Variants in PDGFC observed in about 807,000 individuals in gnomAD.
The protein encoded by PDGFC is platelet derived growth factor C.
A neutral mutation model predicts 35.5 loss-of-function variants in PDGFC; 12 were observed. That is an observed-to-expected ratio of 0.34 (90% CI 0.22 to 0.55). PDGFC has a LOEUF of 0.55. Ranked by LOEUF, PDGFC falls within the 20% of genes least tolerant of loss-of-function variation. The pLI is 0.91. For missense variants in PDGFC, 322 were observed against 412.4 expected (o/e 0.78, Z 1.90); for synonymous variants, 159 against 148.8 (o/e 1.07, Z -0.50).
At chr4:156,805,362 A>G (rs2110927741) in intron 3 of PDGFC, among the ~76,000 whole-genome samples, 1 of 152,190 alleles carries the variant, frequency 6.6e-6, no homozygotes, top group East Asian at 1.9e-4. Flanking sequence ...AAAAAATTCT[A>G]AGCATCAAAT....
chr4:156,854,098 C>T (rs77953054), intron 1 of PDGFC, among the ~76,000 whole-genome samples: 9,508 of 152,276 alleles, frequency 0.062, 393 homozygotes, highest in Middle Eastern at 0.12. Flanking sequence ...CGATAATCTA[C>T]ATATTTCAGA....
At chr4:156,793,839 C>A (rs79705349) in intron 3 of PDGFC, among the ~76,000 whole-genome samples, 3 of 140,474 alleles carry the variant, frequency 2.1e-5, no homozygotes, top group African/African-American at 5.5e-5. Flanking sequence ...AAAAAAAAAA[C>A]TGCCCAGGTT....
chr4:156,906,078 A>G (rs563115429), intron 1 of PDGFC, among the ~76,000 whole-genome samples: 3 of 152,310 alleles, frequency 2.0e-5, no homozygotes, highest in Admixed American at 6.5e-5. Context: ...TATATATGTT[A>G]TAGATGACAT....
intron 2 of PDGFC, among the ~76,000 whole-genome samples, chr4:156,829,611 T>C (rs949435163): frequency 6.6e-6 from 1 of 152,202 alleles, no homozygotes. Flanking sequence ...ATTCCTACCA[T>C]ATCCTTTGAT....
At chr4:156,942,550 T>C (rs975689636) in intron 1 of PDGFC, among the ~76,000 whole-genome samples, 21 of 151,814 alleles carry the variant, frequency 1.4e-4, no homozygotes, top group African/African-American at 4.8e-4. Flanking sequence ...GCCCTATCCA[T>C]TTACATTTCT....
intron 2 of PDGFC, among the ~76,000 whole-genome samples, chr4:156,817,328 T>C (rs1293574485): frequency 6.6e-6 from 1 of 152,048 alleles, no homozygotes; most frequent in East Asian, 1.9e-4. Context: ...AACAAGGGGT[T>C]AGAGAGAGAA....
At position 156,883,330 on chromosome 4, in the gene PDGFC, T is replaced by C. The variant is rs529047584; in HGVS notation, c.119-32914A>G. ...TATTTGATTATACTCAATGGAAAGA[T>C]TGTATTAAAGTCATTGGATTAAAGT... is the stretch of plus-strand genomic sequence containing the variant. On this transcript the variant is annotated intron_variant, in intron 1 of 5. Transcript: ENST00000502773. Among the ~76,000 whole-genome samples, 406 of 152,276 alleles carry C rather than the reference T, an allele frequency of 2.7e-3. 3 individuals carry two copies. Among genetic ancestry groups the C allele is most frequent in the African/African-American group, 9.5e-3 (394 of 41,566 alleles).
intron 1 of PDGFC, among the ~76,000 whole-genome samples, chr4:156,877,229 C>A (rs1300045279): frequency 1.3e-5 from 2 of 151,964 alleles, no homozygotes; most frequent in East Asian, 3.9e-4. Context: ...TTTCCATGAC[C>A]TGAAGCATTT....
At chr4:156,766,733 A>G (rs1730540130) in intron 5 of PDGFC, among the ~76,000 whole-genome samples, 1 of 152,094 alleles carries the variant, frequency 6.6e-6, no homozygotes, top group African/African-American at 2.4e-5. Flanking sequence ...CTAAACATGC[A>G]TGGTTTCCTA....
At chr4:156,805,548 G>C (rs565100351) in intron 3 of PDGFC, among the ~76,000 whole-genome samples, 1 of 152,114 alleles carries the variant, frequency 6.6e-6, no homozygotes, top group South Asian at 2.1e-4. Flanking sequence ...TGTAGGATTG[G>C]TGTTATTATA....
intron 1 of PDGFC, among the ~76,000 whole-genome samples, chr4:156,903,278 A>G (rs1240199417): frequency 6.6e-6 from 1 of 152,112 alleles, no homozygotes; most frequent in Non-Finnish European, 1.5e-5. Flanking sequence ...TTAAACAATA[A>G]CATTTTCTAA....
At chr4:156,813,896 C>T (rs1365812597) in intron 2 of PDGFC, among the ~76,000 whole-genome samples, 1 of 152,102 alleles carries the variant, frequency 6.6e-6, no homozygotes, top group East Asian at 1.9e-4. Flanking sequence ...CACGAGGGCT[C>T]ATCTCCAGAA....
At position 156,893,861 on chromosome 4, in the gene PDGFC, T is replaced by G. The variant is rs139738292; in HGVS notation, c.119-43445A>C. On this transcript the variant is annotated intron_variant, in intron 1 of 5. Transcript: ENST00000502773. ...ACATATTATACATAAACACACATTATATGTTAAAGTCATCCACAAAAAGCA... is the reference window on the plus strand; with the variant it reads ...ACATATTATACATAAACACACATTAGATGTTAAAGTCATCCACAAAAAGCA... 5.2e-3 allele frequency among the ~76,000 whole-genome samples: 796 copies of G among 152,292 alleles called. 12 individuals are homozygous for G. The highest frequency in any genetic ancestry group is 0.017 in the African/African-American group (715 of 41,576).
chr4:156,871,685 AATATACT>A (rs1271128520), intron 1 of PDGFC, among the ~76,000 whole-genome samples: 1 of 152,162 alleles, frequency 6.6e-6, no homozygotes, highest in Admixed American at 6.6e-5. Context: ...TATTGCTTAG[AATATACT>A]ATATAAGTAC....
intron 1 of PDGFC, among the ~76,000 whole-genome samples, chr4:156,881,148 C>T (rs937627051): frequency 3.9e-5 from 6 of 152,110 alleles, no homozygotes; most frequent in Non-Finnish European, 7.3e-5. Flanking sequence ...CTGCCACAGC[C>T]GCCCCAAATT....
intron 3 of PDGFC, among the ~76,000 whole-genome samples, chr4:156,783,684 C>T (rs867972967): frequency 1.3e-5 from 2 of 152,104 alleles, no homozygotes; most frequent in Admixed American, 1.3e-4. Context: ...TTGTACGTGT[C>T]CCTCCTACTT....
At chr4:156,794,902 T>C (rs2110893717) in intron 3 of PDGFC, among the ~76,000 whole-genome samples, 1 of 152,286 alleles carries the variant, frequency 6.6e-6, no homozygotes, top group African/African-American at 2.4e-5. Flanking sequence ...TTTACGATTT[T>C]CCAATGACAT....
chr4:156,801,405 C>A (rs543619155), intron 3 of PDGFC, among the ~76,000 whole-genome samples: 1 of 152,194 alleles, frequency 6.6e-6, no homozygotes, highest in African/African-American at 2.4e-5. Context: ...GATAAATCAG[C>A]TGTATCTGGG....
At chr4:156,796,208 T>C (rs1731435937) in intron 3 of PDGFC, among the ~76,000 whole-genome samples, 1 of 152,274 alleles carries the variant, frequency 6.6e-6, no homozygotes, top group South Asian at 2.1e-4. Context: ...CATTTAGTGA[T>C]ACAAAATTAT....
Sources: allele counts gnomAD v4.1 joint callset (sites outside exome capture counted in the v4.1 genomes callset), GRCh38; gene constraint gnomAD v4.1.1; transcripts MANE v1.5; gene names NCBI Gene and HGNC (gene_info 2026-07-23, HGNC 2026-07-21).